ST6GALNAC3: variants seen among roughly 807,000 people sequenced by gnomAD.
ST6GALNAC3 encodes ST6 N-acetylgalactosaminide alpha-2,6-sialyltransferase 3.
A neutral mutation model predicts 32.7 loss-of-function variants in ST6GALNAC3; 25 were observed. That is an observed-to-expected ratio of 0.76 (90% CI 0.56 to 1.07). ST6GALNAC3 has a LOEUF of 1.07. Among genes scored for constraint, ST6GALNAC3 ranks in the 50% least tolerant of loss-of-function variants. ST6GALNAC3 has a pLI of 0.00. For synonymous variants in ST6GALNAC3, 129 were observed against 133.1 expected (o/e 0.97, Z 0.21); for missense variants, 355 against 382.4 (o/e 0.93, Z 0.60).
At chr1:76,164,600 G>A (rs539825056) in intron 1 of ST6GALNAC3, among the ~76,000 whole-genome samples, 2 of 152,086 alleles carry the variant, frequency 1.3e-5, no homozygotes, top group African/African-American at 4.8e-5. Flanking sequence ...TTACTTGGTT[G>A]GTTATGCAGT....
Position 76,633,446 on chromosome 1 carries a change from T to C in ST6GALNAC3, c.*4640T>C, listed in dbSNP as rs986545373. 2 of 152,210 alleles carry C rather than the reference T, an allele frequency of 1.3e-5. No homozygotes were observed. The highest frequency in any genetic ancestry group is 4.8e-5 in the African/African-American group (2 of 41,444). The allele number at this position is 152,210 out of a possible 1,614,324, so 9.4% of individuals were successfully genotyped here. A position where few individuals can be genotyped will look rare whatever the true frequency, so the allele number is the denominator to read the frequency against. On this transcript the variant is annotated 3_prime_UTR_variant, in exon 5 of 5. Coordinates refer to ENST00000328299, the MANE Select transcript of ST6GALNAC3 (RefSeq NM_152996.4). ...CTATTGGTAAGGCTAGGCTATGTTC[T>C]GTTATCACAAAATTCTAGGACTTGT...
At chr1:76,202,268 A>ATGTGTGTGTGTGTGTGTG (rs58107501) in intron 1 of ST6GALNAC3, among the ~76,000 whole-genome samples, 14 of 145,436 alleles carry the variant, frequency 9.6e-5, no homozygotes, top group Non-Finnish European at 1.8e-4. Context: ...GTGTGCATGC[A>ATGTGTGTGTGTGTGTGTG]TGTGTGTGTG....
intron 2 of ST6GALNAC3, among the ~76,000 whole-genome samples, chr1:76,387,980 G>A (rs1224725608): frequency 6.6e-6 from 1 of 152,128 alleles, no homozygotes; most frequent in Non-Finnish European, 1.5e-5. Flanking sequence ...GGACTCTGGA[G>A]CAGAAATCCT....
intron 2 of ST6GALNAC3, among the ~76,000 whole-genome samples, chr1:76,325,534 T>C (rs1647051427): frequency 6.6e-6 from 1 of 151,756 alleles, no homozygotes; most frequent in Middle Eastern, 3.2e-3. Flanking sequence ...CTTGGTATGG[T>C]GTTGTATTTT....
intron 1 of ST6GALNAC3, among the ~76,000 whole-genome samples, chr1:76,116,441 T>G (rs1648482954): frequency 6.6e-6 from 1 of 152,170 alleles, no homozygotes; most frequent in African/African-American, 2.4e-5. Context: ...TGTAGCTCCA[T>G]GGTTACCATG....
At chr1:76,312,160 C>T (rs1010972968) in intron 1 of ST6GALNAC3, among the ~76,000 whole-genome samples, 1 of 122,496 alleles carries the variant, frequency 8.2e-6, no homozygotes, top group Non-Finnish European at 1.9e-5. Context: ...ACAAACCTGA[C>T]AAAAACAAAC....
chr1:76,537,399 A>T (rs1663680912), intron 3 of ST6GALNAC3, among the ~76,000 whole-genome samples: 1 of 152,114 alleles, frequency 6.6e-6, no homozygotes, highest in African/African-American at 2.4e-5. Flanking sequence ...ACACCCTACC[A>T]TCACAATTAA....
rs1028601573 is a variant in ST6GALNAC3 at position 76,495,938 on chromosome 1, A to T, written c.623+83521A>T. Among the ~76,000 whole-genome samples the T allele has an allele frequency of 2.0e-5, 3 of 152,206 alleles. No homozygotes were observed. In the East Asian group the frequency reaches 5.8e-4, roughly 29 times the overall value. On this transcript the variant is annotated intron_variant, in intron 3 of 4. Transcript: ENST00000328299. ...TGAGTTTAAGTAACAAGTTTTGCTC[A>T]TCAAGCTGGGCAATCTGGGCAAACC...
chr1:76,358,954 C>T (rs1470250949), intron 2 of ST6GALNAC3, among the ~76,000 whole-genome samples: 4 of 152,190 alleles, frequency 2.6e-5, no homozygotes, highest in African/African-American at 9.7e-5. Flanking sequence ...TTCTGATCTT[C>T]CTGAATAGAT....
At chr1:76,217,715 C>A (rs544337170) in intron 1 of ST6GALNAC3, among the ~76,000 whole-genome samples, 1 of 152,178 alleles carries the variant, frequency 6.6e-6, no homozygotes, top group Non-Finnish European at 1.5e-5. Context: ...ATCATTCTTA[C>A]GCCTTTGCGT....
chr1:76,508,548 G>A (rs1195246493), intron 3 of ST6GALNAC3, among the ~76,000 whole-genome samples: 1 of 152,064 alleles, frequency 6.6e-6, no homozygotes, highest in East Asian at 1.9e-4. Context: ...TCGGCACCTG[G>A]GACCCAGTAT....
chr1:76,518,384 G>A (rs1359804657), intron 3 of ST6GALNAC3, among the ~76,000 whole-genome samples: 2 of 151,958 alleles, frequency 1.3e-5, no homozygotes, highest in East Asian at 3.9e-4. Context: ...TTTTAATGAG[G>A]AGTTTTACTT....
At chr1:76,130,492 C>T (rs1251140130) in intron 1 of ST6GALNAC3, among the ~76,000 whole-genome samples, 2 of 152,208 alleles carry the variant, frequency 1.3e-5, no homozygotes, top group Non-Finnish European at 2.9e-5. Flanking sequence ...TTCAACATGG[C>T]CCAGGTGACT....
At chr1:76,517,336 A>G (rs1043357698) in intron 3 of ST6GALNAC3, among the ~76,000 whole-genome samples, 4 of 151,628 alleles carry the variant, frequency 2.6e-5, no homozygotes, top group Admixed American at 6.6e-5. Context: ...TTAATGTCTT[A>G]TTGTTCTAGT....
intron 2 of ST6GALNAC3, among the ~76,000 whole-genome samples, chr1:76,382,184 G>T (rs932359079): frequency 1.3e-5 from 2 of 152,092 alleles, no homozygotes; most frequent in Admixed American, 1.3e-4. Flanking sequence ...GGATTTCAGG[G>T]TCTAAATAAT....
At chr1:76,171,663 C>A (rs772482337) in intron 1 of ST6GALNAC3, among the ~76,000 whole-genome samples, 1 of 151,716 alleles carries the variant, frequency 6.6e-6, no homozygotes, top group Non-Finnish European at 1.5e-5. Flanking sequence ...ATAAACAACT[C>A]GATGCAAATA....
chr1:76,476,754 CT>C (rs1321225956), intron 3 of ST6GALNAC3, among the ~76,000 whole-genome samples: 3 of 152,152 alleles, frequency 2.0e-5, no homozygotes, highest in African/African-American at 7.2e-5. Flanking sequence ...AAACCTTCAA[CT>C]GAAAATTGTG....
rs1649194052 is a variant in ST6GALNAC3, at chr1:76,629,751, C to T, written c.*945C>T. 1.0e-6 allele frequency: 1 copy of T among 977,356 alleles called. No homozygotes were observed. The highest frequency in any genetic ancestry group is 1.2e-6 in the Non-Finnish European group (1 of 822,346). 60.5% of individuals were successfully genotyped at this position (977,356 alleles called of 1,614,324 possible). A position where few individuals can be genotyped will look rare whatever the true frequency, so the allele number is the denominator to read the frequency against. On this transcript the variant is annotated 3_prime_UTR_variant, in exon 5 of 5. Coordinates refer to ENST00000328299, the MANE Select transcript of ST6GALNAC3 (RefSeq NM_152996.4). ...AAATCATGAAATAGAGACAGCAAAG[C>T]ATATTTTTACATCAATTTGTATCCT...
intron 3 of ST6GALNAC3, among the ~76,000 whole-genome samples, chr1:76,516,399 T>G (rs1662177496): frequency 6.6e-6 from 1 of 152,236 alleles, no homozygotes; most frequent in Admixed American, 6.5e-5. Flanking sequence ...TGGCTTAAAC[T>G]TTTTAAAATA....
Sources: allele counts gnomAD v4.1 joint callset (sites outside exome capture counted in the v4.1 genomes callset), GRCh38; gene constraint gnomAD v4.1.1; transcripts MANE v1.5; gene names NCBI Gene and HGNC (gene_info 2026-07-23, HGNC 2026-07-21).